IL34: variants seen among roughly 807,000 people sequenced by gnomAD.
The protein encoded by IL34 is interleukin 34, also known as interleukin-34.
Under a neutral mutation model 25.3 loss-of-function variants are expected in IL34, and 17 were observed. That is an observed-to-expected ratio of 0.67 (90% CI 0.46 to 1.01). IL34 has a LOEUF of 1.01. Ranked by LOEUF, IL34 falls within the 50% of genes least tolerant of loss-of-function variation. IL34 has a pLI of 0.00. For synonymous variants in IL34, 174 were observed against 140.9 expected (o/e 1.23, Z -1.66); for missense variants, 368 against 312.9 (o/e 1.18, Z -1.33).
intron 1 of IL34, among the ~76,000 whole-genome samples, chr16:70,631,147 C>G (rs932748047): frequency 7.9e-5 from 12 of 152,194 alleles, no homozygotes; most frequent in Non-Finnish European, 1.5e-4. Context: ...TTATATTGAA[C>G]CATCCTTGCA....
chr16:70,592,503 C>T (rs185766459), intron 1 of IL34, among the ~76,000 whole-genome samples: 1 of 152,236 alleles, frequency 6.6e-6, no homozygotes, highest in East Asian at 1.9e-4. Context: ...GCTTGGCAGG[C>T]TCAGGGTTCT....
At chr16:70,638,274 C>G (rs1179970223) in intron 1 of IL34, among the ~76,000 whole-genome samples, 1 of 151,990 alleles carries the variant, frequency 6.6e-6, no homozygotes, top group Non-Finnish European at 1.5e-5. Flanking sequence ...CCTGGGAGTT[C>G]AAGACCAGCC....
chr16:70,582,458 C>T (rs771481407), intron 1 of IL34, among the ~76,000 whole-genome samples: 7 of 152,364 alleles, frequency 4.6e-5, no homozygotes, highest in Non-Finnish European at 7.3e-5. Context: ...TGGAGCTGGT[C>T]GGGCTGGATT....
chr16:70,644,830 GGAGGAA>G (rs1351260802), upstream of IL34, among the ~76,000 whole-genome samples: 1 of 146,520 alleles, frequency 6.8e-6, no homozygotes, highest in East Asian at 2.0e-4. Context: ...GGAGGAGGAA[GGAGGAA>G]GAGGAAGGAG....
chr16:70,641,776 A>G (rs1016927064), upstream of IL34, among the ~76,000 whole-genome samples: 1 of 136,744 alleles, frequency 7.3e-6, no homozygotes, highest in East Asian at 2.1e-4. Flanking sequence ...TGTGTTGCCC[A>G]GGCTGGTCTT....
At chr16:70,581,400 C>G (rs994363413) in intron 1 of IL34, among the ~76,000 whole-genome samples, 1 of 141,562 alleles carries the variant, frequency 7.1e-6, no homozygotes, top group African/African-American at 2.6e-5. Flanking sequence ...GTGGAAATAA[C>G]TTTTTTTTTT....
chr16:70,636,136 T>A (rs982485904), intron 1 of IL34, among the ~76,000 whole-genome samples: 5 of 152,010 alleles, frequency 3.3e-5, no homozygotes, highest in African/African-American at 1.2e-4. Context: ...CCTCCCAGGT[T>A]CAAGTAATTC....
In IL34 at chr16:70,657,022, C is replaced by A; in HGVS notation, c.303C>A (p.Ala101=). ...RYLWVLVSLS[A]TESVQDVLLE... ...TGTGGGTCTTGGTGAGCCTCAGTGC[C>A]ACTGAGTCGGTGCAGGACGTGCTGC... is the stretch of plus-strand genomic sequence containing the variant. The change falls in exon 4 of 6, where the codon GCC becomes GCA. Residue 101 remains alanine (A), a synonymous_variant. Coordinates refer to ENST00000288098, the MANE Select transcript of IL34 (RefSeq NM_001393494.1). 1 of 1,612,538 alleles carries A rather than the reference C, an allele frequency of 6.2e-7. No individual in the cohort carries two copies. The highest frequency in any genetic ancestry group is 8.5e-7 in the Non-Finnish European group (1 of 1,179,964).
intron 1 of IL34, among the ~76,000 whole-genome samples, chr16:70,639,635 G>A (rs1381339357): frequency 6.6e-6 from 1 of 152,156 alleles, no homozygotes; most frequent in Non-Finnish European, 1.5e-5. Flanking sequence ...GCTTGACCCT[G>A]TTCCCACTGC....
intron 5 of IL34, 75 bp from the exon 6 acceptor site, chr16:70,659,922 A>G (rs761632445): frequency 2.0e-6 from 3 of 1,492,294 alleles, no homozygotes; most frequent in Non-Finnish European, 2.7e-6. Flanking sequence ...GGACAAGCAC[A>G]TGCGGCTTGG....
chr16:70,645,147 A>G (rs575703301), upstream of IL34, among the ~76,000 whole-genome samples: 1 of 149,216 alleles, frequency 6.7e-6, no homozygotes, highest in African/African-American at 2.5e-5. Context: ...ACGAGGAAGG[A>G]GGAGGAGGAA....
chr16:70,594,217 A>G (rs2050789837), intron 1 of IL34, among the ~76,000 whole-genome samples: 1 of 152,224 alleles, frequency 6.6e-6, no homozygotes, highest in African/African-American at 2.4e-5. Flanking sequence ...GAGAACAACC[A>G]TCTTAACAAT....
chr16:70,645,519 T>C (rs74024414), upstream of IL34, among the ~76,000 whole-genome samples: 1,568 of 152,194 alleles, frequency 0.01, 34 homozygotes, highest in African/African-American at 0.036. Context: ...GACACAATGG[T>C]CCAGACCTTG....
chr16:70,657,754 A>G (rs1002624987), intron 4 of IL34, among the ~76,000 whole-genome samples: 63 of 152,168 alleles, frequency 4.1e-4, no homozygotes, highest in African/African-American at 1.4e-3. Context: ...CAGCTTGGGC[A>G]ACAAGAACGA....
chr16:70,639,720 C>G (rs34493949), intron 1 of IL34, among the ~76,000 whole-genome samples: 20,986 of 152,086 alleles, frequency 0.14, 1,700 homozygotes, highest in African/African-American at 0.22. Context: ...TTAGGGAGGC[C>G]GGGGTCGAGG....
intron 1 of IL34, among the ~76,000 whole-genome samples, chr16:70,605,968 G>GTTTTTTTTTT (rs1483071432): frequency 8.1e-6 from 1 of 123,698 alleles, no homozygotes. Flanking sequence ...CACCGCACCT[G>GTTTTTTTTTT]GTTTTTTTTT....
intron 1 of IL34, among the ~76,000 whole-genome samples, chr16:70,641,388 G>A (rs1453191908): frequency 6.6e-6 from 1 of 152,052 alleles, no homozygotes; most frequent in African/African-American, 2.4e-5. Flanking sequence ...CCAACCAAGG[G>A]CACTGTATAC....
chr16:70,659,909 G>C (rs753555680), intron 5 of IL34, 88 bp from the exon 6 acceptor site: 2 of 1,480,192 alleles, frequency 1.4e-6, no homozygotes, highest in African/African-American at 1.4e-5. Flanking sequence ...TGGGTAGAGT[G>C]GGGGACAAGC....
chr16:70,606,470 A>G (rs1383268560), intron 1 of IL34, among the ~76,000 whole-genome samples: 3 of 152,086 alleles, frequency 2.0e-5, no homozygotes, highest in Non-Finnish European at 4.4e-5. Flanking sequence ...TCACTGCCCA[A>G]ATTCCCTCAA....
Sources: allele counts gnomAD v4.1 joint callset (sites outside exome capture counted in the v4.1 genomes callset), GRCh38; gene constraint gnomAD v4.1.1; transcripts MANE v1.5; gene names NCBI Gene and HGNC (gene_info 2026-07-23, HGNC 2026-07-21).